MECOM: variants seen among roughly 807,000 people sequenced by gnomAD.
MECOM encodes the protein MDS1 and EVI1 complex locus, also known as histone-lysine N-methyltransferase MECOM.
Under a neutral mutation model 116.3 loss-of-function variants are expected in MECOM, and 13 were observed. The observed-to-expected ratio is 0.11, with a 90% CI of 0.07 to 0.18. The LOEUF (loss-of-function observed/expected upper bound fraction) is 0.18. MECOM is among the 10% of genes least tolerant of loss of function. The probability of loss-of-function intolerance (pLI) is 1.00; values close to 1 mark genes in which losing one functional copy is unlikely to be tolerated. For missense variants in MECOM, 1,299 were observed against 1,509.0 expected (o/e 0.86, Z 2.31); for synonymous variants, 528 against 535.2 (o/e 0.99, Z 0.19).
intron 1 of MECOM, among the ~76,000 whole-genome samples, chr3:169,384,671 C>T (rs770355974): frequency 3.3e-5 from 5 of 152,022 alleles, no homozygotes; most frequent in South Asian, 2.1e-4. Context: ...TCCATGTAAG[C>T]GGGAGGAAAC....
At chr3:169,593,235 A>T (rs1766646985) in intron 1 of MECOM, among the ~76,000 whole-genome samples, 1 of 152,202 alleles carries the variant, frequency 6.6e-6, no homozygotes, top group Admixed American at 6.5e-5. Context: ...CAAACGCAGA[A>T]ATGTTGTAGC....
chr3:169,282,539 A>G (rs1712302347), intron 2 of MECOM, among the ~76,000 whole-genome samples: 1 of 152,196 alleles, frequency 6.6e-6, no homozygotes, highest in African/African-American at 2.4e-5. Context: ...TAGCAGCTGT[A>G]AAGGAAAGAG....
Position 169,128,046 on chromosome 3 carries a change from G to C in MECOM, c.628C>G (p.Arg210Gly). The change falls in exon 5 of 17, where the codon CGC becomes GGC. Residue 210 changes from arginine to glycine, a missense_variant. By Grantham distance (125) the Arg-to-Gly change is moderately radical (BLOSUM62 -2). This residue lies in a region of MECOM where 374 missense variants were observed against 433.4 expected (regional missense o/e 0.86). Coordinates refer to ENST00000651503, the MANE Select transcript of MECOM (RefSeq NM_004991.4). ...AAGAGCTGGTCACAGTCTTCGCAGCGATATTGCCGTTCTTCTGTGAAAACA... is the reference window on the plus strand; with the variant it reads ...AAGAGCTGGTCACAGTCTTCGCAGCCATATTGCCGTTCTTCTGTGAAAACA... ...APDIHEERQY[R>G]CEDCDQLFES... 6.2e-7 allele frequency: 1 copy of C among 1,613,940 alleles called. No individual in the cohort carries two copies. The highest frequency in any genetic ancestry group is 1.1e-5 in the South Asian group (1 of 91,078).
chr3:169,515,991 T>C (rs932022820), intron 1 of MECOM, among the ~76,000 whole-genome samples: 1 of 152,178 alleles, frequency 6.6e-6, no homozygotes, highest in Non-Finnish European at 1.5e-5. Flanking sequence ...CTAACTTCCT[T>C]CTTCCCAAAA....
chr3:169,191,724 GAAAGAAAGAAAGAAAGAGAAA>G (rs1747628109), intron 2 of MECOM, among the ~76,000 whole-genome samples: 1 of 45,078 alleles, frequency 2.2e-5, no homozygotes. Context: ...AAGAAAAAAA[GAAAGAAAGAAAGAAAGAGAAA>G]GAAAGAAAGA....
At chr3:169,144,755 G>A (rs761334311) in intron 2 of MECOM, among the ~76,000 whole-genome samples, 11 of 152,130 alleles carry the variant, frequency 7.2e-5, no homozygotes, top group Non-Finnish European at 1.6e-4. Context: ...TGACCTGATG[G>A]TGAATAACTA....
In MECOM at chr3:169,636,054, C is replaced by T. The variant is rs552101253; in HGVS notation, c.37+27282G>A. ...TATCTTTTATATTGGCCATATACCC[C>T]GGTGAAGTCATCTAAAAAGCTTGAG... On this transcript the variant is annotated intron_variant, in intron 1 of 16. Transcript: ENST00000651503. Among the ~76,000 whole-genome samples the T allele has an allele frequency of 5.2e-4, 79 of 152,238 alleles. 1 individual carries two copies. Among genetic ancestry groups the T allele is most frequent in the African/African-American group, 5.5e-4 (23 of 41,550 alleles).
chr3:169,576,555 A>T (rs1764519958), intron 1 of MECOM, among the ~76,000 whole-genome samples: 1 of 152,196 alleles, frequency 6.6e-6, no homozygotes. Flanking sequence ...AACATTCTGC[A>T]ACAATGAATT....
At chr3:169,582,928 C>T (rs1023140489) in intron 1 of MECOM, among the ~76,000 whole-genome samples, 4 of 152,034 alleles carry the variant, frequency 2.6e-5, no homozygotes, top group African/African-American at 9.7e-5. Flanking sequence ...TACGACAAAA[C>T]GAAATATCAT....
chr3:169,443,999 C>T (rs1381936393), intron 1 of MECOM, among the ~76,000 whole-genome samples: 4 of 152,210 alleles, frequency 2.6e-5, no homozygotes, highest in Non-Finnish European at 5.9e-5. Context: ...CAAACTCACT[C>T]TTTCATAAGT....
intron 2 of MECOM, among the ~76,000 whole-genome samples, chr3:169,371,204 T>G (rs1165337515): frequency 6.6e-6 from 1 of 151,980 alleles, no homozygotes; most frequent in African/African-American, 2.4e-5. Context: ...CCCTGCCATT[T>G]GGGACAATGT....
intron 2 of MECOM, among the ~76,000 whole-genome samples, chr3:169,242,576 A>G (rs1202663119): frequency 6.6e-6 from 1 of 151,962 alleles, no homozygotes; most frequent in Admixed American, 6.6e-5. Flanking sequence ...CAACCACAAC[A>G]TGCTACCCAC....
chr3:169,488,835 A>G (rs892480672), intron 1 of MECOM, among the ~76,000 whole-genome samples: 2 of 152,112 alleles, frequency 1.3e-5, no homozygotes, highest in African/African-American at 4.8e-5. Flanking sequence ...GAAAATGTAT[A>G]GACTTAAATG....
At chr3:169,474,295 T>A (rs916186765) in intron 1 of MECOM, among the ~76,000 whole-genome samples, 6 of 152,168 alleles carry the variant, frequency 3.9e-5, no homozygotes, top group African/African-American at 1.4e-4. Context: ...GTTCCTGAAG[T>A]CCAGCCTTCC....
chr3:169,538,365 C>T (rs1576775686), intron 1 of MECOM, among the ~76,000 whole-genome samples: 1 of 152,146 alleles, frequency 6.6e-6, no homozygotes, highest in South Asian at 2.1e-4. Flanking sequence ...TATGACAACA[C>T]TAATTCATTG....
intron 1 of MECOM, among the ~76,000 whole-genome samples, chr3:169,645,833 C>T (rs944908420): frequency 6.6e-5 from 10 of 152,186 alleles, no homozygotes; most frequent in African/African-American, 2.4e-4. Context: ...AAAATGACCT[C>T]CTGCTTCCCA....
At chr3:169,454,241 C>A (rs558556933) in intron 1 of MECOM, among the ~76,000 whole-genome samples, 4 of 151,992 alleles carry the variant, frequency 2.6e-5, no homozygotes, top group Non-Finnish European at 4.4e-5. Flanking sequence ...AACAAATAAC[C>A]TTTACAAGAG....
chr3:169,090,067 C>T lies in MECOM; in HGVS notation c.3334G>A (p.Gly1112Arg). 1 of 1,613,554 alleles carries T rather than the reference C, an allele frequency of 6.2e-7. No homozygotes were observed. Among genetic ancestry groups the T allele is most frequent in the Non-Finnish European group, 8.5e-7 (1 of 1,179,668 alleles). The stretch of plus-strand genomic sequence containing the variant: ...TCTTCATAGTCATCCTCAGGGTTTC[C>T]TTCATGTAAATTACTTGTCACTGGT... ...KEPVTSNLHE[G>R]NPEDDYEETS... Residue 1112 changes from glycine (G) to arginine (R), a missense_variant, in exon 15 of 17, where the codon GGA becomes AGA. Physicochemically the swap from Gly to Arg is moderately radical, Grantham distance 125. Coordinates refer to ENST00000651503, the MANE Select transcript of MECOM (RefSeq NM_004991.4).
chr3:169,313,595 G>C (rs1719193465), intron 2 of MECOM, among the ~76,000 whole-genome samples: 1 of 152,146 alleles, frequency 6.6e-6, no homozygotes, highest in African/African-American at 2.4e-5. Flanking sequence ...GAATAAGAGG[G>C]GACAGATACA....
Sources: gnomAD v4.1 joint callset for allele counts (sites outside exome capture counted in the v4.1 genomes callset) on GRCh38, gnomAD v4.1.1 for gene constraint, gnomAD v4.1.1 regional missense constraint, MANE v1.5 for transcripts, NCBI Gene and HGNC (gene_info 2026-07-23, HGNC 2026-07-21) for gene names.